WSCD2: variants seen among roughly 807,000 people sequenced by gnomAD.
The protein encoded by WSCD2 is WSC domain sialate O sulfotransferase 2.
WSCD2 carries 28 observed loss-of-function variants against 55.7 expected under a neutral mutation model. The observed-to-expected ratio is 0.50, with a 90% CI of 0.37 to 0.69. WSCD2 has a LOEUF of 0.69. Ranked by LOEUF, WSCD2 falls within the 30% of genes least tolerant of loss-of-function variation. The pLI is 0.00. For synonymous variants in WSCD2, 301 were observed against 301.9 expected (o/e 1.00, Z 0.03); for missense variants, 616 against 762.1 (o/e 0.81, Z 2.26).
chr12:108,180,050 C>CAAAAAAAAAAAAAAAAGAAAAAAAA (rs1881481495), intron 1 of WSCD2, among the ~76,000 whole-genome samples: 5 of 116,672 alleles, frequency 4.3e-5, no homozygotes, highest in Admixed American at 9.2e-5. Context: ...CTCAAAAAAA[C>CAAAAAAAAAAAAAAAAGAAAAAAAA]AAAAAAAAAA....
At chr12:108,231,705 G>A (rs1468320727) in intron 6 of WSCD2, among the ~76,000 whole-genome samples, 3 of 152,212 alleles carry the variant, frequency 2.0e-5, no homozygotes, top group Non-Finnish European at 4.4e-5. Flanking sequence ...CAGTTATTAA[G>A]TACCTGCTGT....
chr12:108,157,567 A>G (rs1216904067), intron 1 of WSCD2, among the ~76,000 whole-genome samples: 1 of 152,108 alleles, frequency 6.6e-6, no homozygotes, highest in African/African-American at 2.4e-5. Context: ...TAAATTAATT[A>G]CTTTAGCTTC....
At position 108,247,788 on chromosome 12, in the gene WSCD2, C is replaced by T. The variant is rs184915727; in HGVS notation, c.1346-203C>T. 3.3e-5 allele frequency among the ~76,000 whole-genome samples: 5 copies of T among 152,340 alleles called. No individual in the cohort carries two copies. The East Asian group carries it at 9.6e-4, about 29-fold the overall frequency. ...CCCAGGCTGGTCTTTAACTCCTGGC[C>T]TCAAGCTGTCCTCCAGCCTTGGCCT... is the stretch of plus-strand genomic sequence containing the variant. On this transcript the variant is annotated intron_variant, in intron 8 of 8. Transcript: ENST00000547525.
rs1890208652 is a variant in WSCD2, at chr12:108,248,055, G to A, written c.1410G>A (p.Lys470=). ...CCACTCACACACTGGACTGGCTCAA[G>A]TTTGGCAAGAAGGTGCTGGTGGTGC... ...WWATHTLDWL[K]FGKKVLVVHF... The change falls in exon 9 of 9, where the codon AAG becomes AAA. Residue 470 remains lysine, a synonymous_variant. Transcript: ENST00000547525. The surrounding 1 kb of genome is among the most constrained non-coding windows in gnomAD (Gnocchi z 4.3). 4.3e-6 allele frequency: 7 copies of A among 1,614,208 alleles called. No homozygotes were observed. The highest frequency in any genetic ancestry group is 5.1e-6 in the Non-Finnish European group (6 of 1,180,040).
At chr12:108,215,138 TAGGGCCA>T (rs1375459981) in intron 4 of WSCD2, among the ~76,000 whole-genome samples, 1 of 152,252 alleles carries the variant, frequency 6.6e-6, no homozygotes, top group East Asian at 1.9e-4. Context: ...CTCTTCTCTG[TAGGGCCA>T]AGGGAATGAT....
At chr12:108,196,585 T>A (rs1332947051) in intron 2 of WSCD2, 1 of 186,410 alleles carries the variant, frequency 5.4e-6, no homozygotes, top group Non-Finnish European at 1.1e-5. Context: ...TTCCAAGCAC[T>A]TTACATATAT....
chr12:108,229,439 C>T (rs1198049371), intron 6 of WSCD2, among the ~76,000 whole-genome samples: 2 of 152,108 alleles, frequency 1.3e-5, no homozygotes, highest in African/African-American at 4.8e-5. Context: ...GGATGCAAAC[C>T]CAGGCAATCT....
chr12:108,212,331 T>C (rs999985439), intron 4 of WSCD2, among the ~76,000 whole-genome samples: 1 of 152,170 alleles, frequency 6.6e-6, no homozygotes, highest in Non-Finnish European at 1.5e-5. Context: ...GGGATATTTA[T>C]AGGGAAAGCT....
chr12:108,231,923 A>AGAAG (rs1233703289), intron 6 of WSCD2, among the ~76,000 whole-genome samples: 1 of 152,178 alleles, frequency 6.6e-6, no homozygotes, highest in Non-Finnish European at 1.5e-5. Context: ...GAGGGAAGGA[A>AGAAG]GAAGGAAGGA....
At chr12:108,244,565 C>T in intron 8 of WSCD2, 1 of 702,886 alleles carries the variant, frequency 1.4e-6, no homozygotes, top group Non-Finnish European at 2.6e-6. Flanking sequence ...GCTCGATTTG[C>T]ACAGCATCTG....
At chr12:108,176,689 G>T (rs955038194) in intron 1 of WSCD2, among the ~76,000 whole-genome samples, 1 of 152,200 alleles carries the variant, frequency 6.6e-6, no homozygotes, top group African/African-American at 2.4e-5. Context: ...AACTTTTTAA[G>T]AAATGGTCAA....
chr12:108,237,249 T>C (rs559026325), intron 7 of WSCD2, among the ~76,000 whole-genome samples: 11 of 152,254 alleles, frequency 7.2e-5, no homozygotes, highest in South Asian at 2.1e-4. Context: ...CGAGCAACTA[T>C]AGTAACAGAG....
At chr12:108,131,847 A>T (rs1592854783) in intron 1 of WSCD2, 1 of 152,456 alleles carries the variant, frequency 6.6e-6, no homozygotes, top group East Asian at 1.9e-4. Context: ...TCACCAGGAC[A>T]TCAGGAGGTG....
At chr12:108,244,515 G>A (rs1419238583) in intron 8 of WSCD2, 1 of 702,938 alleles carries the variant, frequency 1.4e-6, no homozygotes, top group Non-Finnish European at 2.6e-6. Flanking sequence ...CACCTTGCTT[G>A]TCCCAGGAGC....
rs1253174023 is a variant in WSCD2, at chr12:108,248,325, T to C, written c.1680T>C (p.Asp560=). 1 of 1,613,334 alleles carries C rather than the reference T, an allele frequency of 6.2e-7. No individual in the cohort carries two copies. The highest frequency in any genetic ancestry group is 1.3e-5 in the African/African-American group (1 of 74,914). ...LKGRNLTGVP[D]DYYPR is the part of the protein sequence containing the mutation. ...GGCGGAACCTAACGGGTGTCCCCGATGACTACTACCCAAGATGATGCGTCC... is the reference window on the plus strand; with the variant it reads ...GGCGGAACCTAACGGGTGTCCCCGACGACTACTACCCAAGATGATGCGTCC... The change falls in exon 9 of 9, where the codon GAT becomes GAC. Residue 560 remains aspartate (D), a synonymous_variant. Transcript: ENST00000547525. The surrounding 1 kb of genome is among the most constrained non-coding windows in gnomAD (Gnocchi z 4.3).
At chr12:108,196,278 A>G in intron 2 of WSCD2, 64 bp downstream of exon 2, 1 of 1,496,800 alleles carries the variant, frequency 6.7e-7, no homozygotes. Flanking sequence ...CTAACAATGT[A>G]ATAACAGCTG....
intron 1 of WSCD2, among the ~76,000 whole-genome samples, chr12:108,133,528 G>T (rs1437242247): frequency 6.6e-6 from 1 of 152,146 alleles, no homozygotes; most frequent in Non-Finnish European, 1.5e-5. Context: ...GGGTGGAGGG[G>T]TGTGAACATA....
At chr12:108,182,902 G>A (rs1850618976) in intron 1 of WSCD2, among the ~76,000 whole-genome samples, 1 of 152,140 alleles carries the variant, frequency 6.6e-6, no homozygotes, top group Admixed American at 6.5e-5. Context: ...AGAAGTTGGG[G>A]ATCCTAGCGT....
intron 7 of WSCD2, among the ~76,000 whole-genome samples, chr12:108,236,231 G>A (rs1041593514): frequency 6.6e-6 from 1 of 152,198 alleles, no homozygotes; most frequent in Non-Finnish European, 1.5e-5. Context: ...GGAGACCTCA[G>A]TTTCCTGCTC....
Sources: allele counts gnomAD v4.1 joint callset (sites outside exome capture counted in the v4.1 genomes callset), GRCh38; gene constraint gnomAD v4.1.1; non-coding constraint Gnocchi (gnomAD v3.1); transcripts MANE v1.5; gene names NCBI Gene and HGNC (gene_info 2026-07-23, HGNC 2026-07-21).